The following CNOT1 variants were observed in gnomAD, a reference collection of about 807,000 sequenced individuals.
CNOT1 encodes CCR4-associated factor 1.
CNOT1 carries 15 observed loss-of-function variants against 273.8 expected under a neutral mutation model. The ratio of observed to expected loss-of-function variants is 0.05; its 90% CI spans 0.04 to 0.08. CNOT1 has a LOEUF of 0.08. CNOT1 is among the 10% of genes least tolerant of loss of function. The pLI, the probability that CNOT1 is intolerant of heterozygous loss-of-function variation, is 1.00. For missense variants in CNOT1, 1,644 were observed against 2,912.2 expected, an observed-to-expected ratio of 0.56 and a Z score of 10.02; for synonymous variants, 1,022 against 1,005.5, an observed-to-expected ratio of 1.02 and a Z score of -0.31.
chr16:58,571,433 G>A (rs1237342307), intron 16 of CNOT1, among the ~76,000 whole-genome samples: 5 of 152,046 alleles, frequency 3.3e-5, no homozygotes, highest in East Asian at 1.9e-4. Flanking sequence ...GGTGGCGCAC[G>A]CCTGTAGTTC....
intron 16 of CNOT1, among the ~76,000 whole-genome samples, chr16:58,560,644 T>C (rs2040804399): frequency 6.6e-6 from 1 of 152,164 alleles, no homozygotes. Flanking sequence ...TTTGAAAGGC[T>C]GAGGCGGAAG....
chr16:58,603,918 A>C (rs902904154), intron 1 of CNOT1, among the ~76,000 whole-genome samples: 2 of 152,238 alleles, frequency 1.3e-5, no homozygotes, highest in Admixed American at 1.3e-4. Flanking sequence ...TGTAAGTTAC[A>C]TAACAAACAA....
chr16:58,541,817 T>C (rs550089851), intron 33 of CNOT1, among the ~76,000 whole-genome samples, 197 bp from the exon 34 acceptor site: 2 of 152,210 alleles, frequency 1.3e-5, no homozygotes, highest in South Asian at 4.1e-4. Flanking sequence ...CTGCTAAGAG[T>C]CACCTCATTT....
chr16:58,532,543 C>T (rs756622087), intron 40 of CNOT1, 148 bp from the exon 41 acceptor site: 18 of 1,367,086 alleles, frequency 1.3e-5, no homozygotes, highest in South Asian at 9.7e-5. Flanking sequence ...TGCTGGCAGC[C>T]GATAGGGTCA....
chr16:58,578,779 G>A lies in CNOT1; in HGVS notation c.1504C>T (p.Leu502Phe). 6.2e-7 allele frequency: 1 copy of A among 1,614,144 alleles called. No individual in the cohort carries two copies. Among genetic ancestry groups the A allele is most frequent in the South Asian group, 1.1e-5 (1 of 91,080 alleles). Residue 502 changes from leucine to phenylalanine, a missense_variant, in exon 13 of 49, where the codon CTT (leucine) becomes TTT (phenylalanine). By Grantham distance (22) the Leu-to-Phe change is conservative. This residue lies in a region of CNOT1 where 706 missense variants were observed against 1,021.2 expected (regional missense o/e 0.69). Coordinates refer to ENST00000317147, the MANE Select transcript of CNOT1 (RefSeq NM_016284.5). The stretch of plus-strand genomic sequence containing the variant: ...AAAATTGGCATCAGAGTGGAGATAA[G>A]TTCATGGCGCAAGGTATGCCAAGAG... ...NTSWHTLRHE[L>F]ISTLMPIFLG...
At chr16:58,608,553 CAA>C (rs11397997) in intron 1 of CNOT1, among the ~76,000 whole-genome samples, 7 of 129,770 alleles carry the variant, frequency 5.4e-5, no homozygotes, top group Non-Finnish European at 6.5e-5. Context: ...GACTCTGTCT[CAA>C]AAAAAAAAAA....
At chr16:58,619,126 A>C (rs1169363005) in intron 1 of CNOT1, among the ~76,000 whole-genome samples, 1 of 152,032 alleles carries the variant, frequency 6.6e-6, no homozygotes, top group East Asian at 1.9e-4. Flanking sequence ...GCTTGAACTC[A>C]GGAGGTCATG....
chr16:58,532,428 A>C (rs373870026), intron 40 of CNOT1, 33 bp from the exon 41 acceptor site: 1 of 1,602,162 alleles, frequency 6.2e-7, no homozygotes, highest in African/African-American at 1.3e-5. Context: ...CTTGTAAATC[A>C]TTCAGATAAT....
intron 46 of CNOT1, among the ~76,000 whole-genome samples, chr16:58,524,008 G>A (rs2039495042): frequency 6.6e-6 from 1 of 152,178 alleles, no homozygotes; most frequent in African/African-American, 2.4e-5. Flanking sequence ...AGCACTTTGG[G>A]AGGCTGAGGC....
chr16:58,577,786 G>A (rs2151969354), intron 13 of CNOT1, among the ~76,000 whole-genome samples: 2 of 149,606 alleles, frequency 1.3e-5, no homozygotes, highest in South Asian at 4.2e-4. Context: ...GCTGCAGTGA[G>A]ACATGTTTGC....
At position 58,521,018 on chromosome 16, in the gene CNOT1, T is replaced by G; in HGVS notation, c.7071A>C (p.Ala2357=). ...CCTGCTTCTGTCCCATGCAGCACTG[T>G]GCGACCGACTGGAATAACCTGAAGG... is the stretch of plus-strand genomic sequence containing the variant. ...PEIEKLFQSV[A]QCCMGQKQAQ... Residue 2357 remains alanine (A), a synonymous_variant, in exon 49 of 49, where the codon GCA becomes GCC. Transcript: ENST00000317147. The G allele has an allele frequency of 6.2e-7, 1 of 1,614,102 alleles. No homozygotes were observed. The highest frequency in any genetic ancestry group is 1.7e-5 in the Admixed American group (1 of 60,026).
At chr16:58,585,261 TTTAGAGA>T in intron 8 of CNOT1, 70 bp downstream of exon 8, 1 of 1,578,486 alleles carries the variant, frequency 6.3e-7, no homozygotes, top group South Asian at 1.2e-5. Context: ...TTTAAGGAAT[TTTAGAGA>T]CTTTTTTTAA....
At chr16:58,574,911 G>C in intron 15 of CNOT1, 96 bp downstream of exon 15, 1 of 1,565,872 alleles carries the variant, frequency 6.4e-7, no homozygotes. Flanking sequence ...TTTTTCTTTA[G>C]TTTATTACTG....
At chr16:58,626,631 G>A (rs868040175) in intron 1 of CNOT1, among the ~76,000 whole-genome samples, 3 of 151,336 alleles carry the variant, frequency 2.0e-5, no homozygotes, top group South Asian at 2.1e-4. Flanking sequence ...GCAGTGGTGC[G>A]CGCCTGTAAT....
At chr16:58,560,396 T>C (rs1567407402) in intron 16 of CNOT1, 34 bp from the exon 17 acceptor site, 1 of 1,607,184 alleles carries the variant, frequency 6.2e-7, no homozygotes, top group East Asian at 2.2e-5. Flanking sequence ...AAAATATCAG[T>C]TCCTATTCTC....
In CNOT1 at chr16:58,562,953, TG is replaced by T. The variant is rs576757525; in HGVS notation, c.1980-2592del. The stretch of plus-strand genomic sequence containing the variant: ...TCAGAAAAGAAAGCTGTTTCACATT[TG>T]GGGGGAAAAAATAAGACTAGGGTGC... On this transcript the variant is annotated intron_variant, in intron 16 of 48. Coordinates refer to ENST00000317147, the MANE Select transcript of CNOT1 (RefSeq NM_016284.5). Among the ~76,000 whole-genome samples the T allele has an allele frequency of 2.6e-5, 4 of 152,212 alleles. No homozygotes were observed. In the South Asian group the frequency reaches 8.3e-4, roughly 32 times the overall value.
chr16:58,591,668 C>G (rs1300067987), intron 2 of CNOT1, among the ~76,000 whole-genome samples: 4 of 151,756 alleles, frequency 2.6e-5, no homozygotes, highest in South Asian at 2.1e-4. Context: ...GCTGGAGAAT[C>G]GCTTGAACCC....
chr16:58,607,064 T>C (rs1488982527), intron 1 of CNOT1, among the ~76,000 whole-genome samples: 2 of 152,108 alleles, frequency 1.3e-5, no homozygotes, highest in African/African-American at 4.8e-5. Context: ...TCAACAAAAG[T>C]ATACTCATGA....
intron 1 of CNOT1, among the ~76,000 whole-genome samples, chr16:58,617,496 A>G (rs2043132533): frequency 6.6e-6 from 1 of 152,176 alleles, no homozygotes; most frequent in Admixed American, 6.6e-5. Context: ...CAAACATGAC[A>G]CTCAAAAGAA....
Sources: gnomAD v4.1 joint callset for allele counts (sites outside exome capture counted in the v4.1 genomes callset) on GRCh38, gnomAD v4.1.1 for gene constraint, gnomAD v4.1.1 regional missense constraint, MANE v1.5 for transcripts, NCBI Gene and HGNC (gene_info 2026-07-23, HGNC 2026-07-21) for gene names.